The following HEPH variants were observed in gnomAD, a reference collection of about 807,000 sequenced individuals.
HEPH encodes the protein hephaestin.
In HEPH, 69 loss-of-function variants were observed where a neutral mutation model predicts 80.8. The observed-to-expected ratio is 0.85, with a 90% CI of 0.70 to 1.04. The LOEUF (loss-of-function observed/expected upper bound fraction) is 1.04. HEPH is among the 50% of genes least tolerant of loss of function. HEPH has a pLI of 0.00. For synonymous variants in HEPH, 431 were observed against 322.8 expected (o/e 1.34, Z -3.60); for missense variants, 1,115 against 891.3 (o/e 1.25, Z -3.20).
Position 66,263,618 on chromosome X carries a change from C to G in HEPH, c.3200-26C>G, listed in dbSNP as rs777430939. 7 of 1,207,151 alleles carry G rather than the reference C, an allele frequency of 5.8e-6. No homozygotes were observed. The Admixed American group carries it at 1.3e-4, about 23-fold the overall frequency. The stretch of plus-strand genomic sequence containing the variant: ...TGGTAGGAAGAACAATAAGGCTAAC[C>G]TCTTGTCTTTTTTCCCCCCAACCAG... On this transcript the variant is annotated intron_variant, in intron 19 of 20. Transcript: ENST00000343002.
rs986421490 is a variant in HEPH at position 66,202,862 on chromosome X, G to A, written c.2078-502G>A. On this transcript the variant is annotated intron_variant, in intron 12 of 20. Transcript: ENST00000343002. Reference sequence around the variant, plus strand: ...AAATAATCCTCATTTTACTGATGAGGGAACTGAAAAACACAGAGGTTTAGC... The same window carrying A: ...AAATAATCCTCATTTTACTGATGAGAGAACTGAAAAACACAGAGGTTTAGC... Among the ~76,000 whole-genome samples, 4 of 99,490 alleles carry A rather than the reference G, an allele frequency of 4.0e-5. 1 individual carries two copies. The highest frequency in any genetic ancestry group is 1.1e-4 in the Admixed American group (1 of 8,869). 86.4% of individuals were successfully genotyped at this position (99,490 alleles called of 115,157 possible).
intron 15 of HEPH, among the ~76,000 whole-genome samples, chrX:66,252,247 G>C (rs145843093): frequency 0.015 from 1,623 of 111,491 alleles, 32 homozygotes; most frequent in African/African-American, 0.05. Context: ...GAAGGTTTGG[G>C]GGAAAATCAA....
chrX:66,254,998 A>T, intron 15 of HEPH, 37 bp from the exon 16 acceptor site: 2 of 1,011,929 alleles, frequency 2.0e-6, no homozygotes, highest in Non-Finnish European at 2.8e-6. Context: ...GAAATTTCTG[A>T]CCCGGTGCAA....
chrX:66,235,275 TG>T (rs1176890237), intron 15 of HEPH, among the ~76,000 whole-genome samples: 2 of 111,873 alleles, frequency 1.8e-5, no homozygotes, highest in African/African-American at 6.5e-5. Context: ...ATTGCCTTTT[TG>T]TAGATCCAGG....
intron 20 of HEPH, among the ~76,000 whole-genome samples, chrX:66,264,794 T>G (rs2091479165): frequency 9.5e-6 from 1 of 105,467 alleles, no homozygotes; most frequent in South Asian, 4.0e-4. Flanking sequence ...ACTAAATTAT[T>G]TTATATATAT....
chrX:66,225,971 C>T (rs987638268), intron 15 of HEPH, among the ~76,000 whole-genome samples: 17 of 111,763 alleles, frequency 1.5e-4, no homozygotes, highest in African/African-American at 5.2e-4. Flanking sequence ...ATTCCTGTCC[C>T]TTTTAAGGGC....
intron 15 of HEPH, among the ~76,000 whole-genome samples, chrX:66,218,186 A>C (rs894714348): frequency 3.6e-5 from 4 of 111,940 alleles, no homozygotes; most frequent in African/African-American, 9.8e-5. Context: ...ATTGGACTTA[A>C]CAGATATTTA....
At chrX:66,246,165 C>A (rs2090797535) in intron 15 of HEPH, among the ~76,000 whole-genome samples, 2 of 111,854 alleles carry the variant, frequency 1.8e-5, no homozygotes, top group Admixed American at 1.9e-4. Context: ...AATTGATTGC[C>A]CTGTTGTCTG....
intron 4 of HEPH, among the ~76,000 whole-genome samples, chrX:66,174,436 G>A (rs1168400063): frequency 2.7e-5 from 3 of 112,084 alleles, no homozygotes; most frequent in Admixed American, 9.5e-5. Flanking sequence ...TTGGTTCCAT[G>A]ATTTTGCAAT....
chrX:66,211,676 C>T lies in HEPH; in HGVS notation c.2563+3430C>T, dbSNP rs185224178. ...TTGCTGCAGATTATATGATTTCATT[C>T]TTTTTTATGGCTGAATAGTATTCCA... On this transcript the variant is annotated intron_variant, in intron 15 of 20. Transcript: ENST00000343002. 2.1e-3 allele frequency among the ~76,000 whole-genome samples: 230 copies of T among 111,706 alleles called. 2 individuals are homozygous for T. Among genetic ancestry groups the T allele is most frequent in the African/African-American group, 6.9e-3 (213 of 30,869 alleles).
chrX:66,236,706 C>T (rs1169370460), intron 15 of HEPH, among the ~76,000 whole-genome samples: 2 of 111,074 alleles, frequency 1.8e-5, no homozygotes, highest in Admixed American at 1.9e-4. Context: ...TCTTTGTACA[C>T]CTTGTAGAAT....
At position 66,231,105 on chromosome X, in the gene HEPH, C is replaced by G. The variant is rs781336352; in HGVS notation, c.2563+22859C>G. Among the ~76,000 whole-genome samples, 8 of 109,620 alleles carry G rather than the reference C, an allele frequency of 7.3e-5. No homozygotes were observed. The East Asian group carries it at 2.3e-3, about 31-fold the overall frequency. ...TAGTTGTAGGTATGCGGCGTCATTT[C>G]TGAGGGCTCTGTTCTGTTCCATTGA... On this transcript the variant is annotated intron_variant, in intron 15 of 20. Transcript: ENST00000343002.
At chrX:66,173,465 C>A in intron 3 of HEPH, 124 bp from the exon 4 acceptor site, 1 of 472,391 alleles carries the variant, frequency 2.1e-6, no homozygotes, top group Non-Finnish European at 3.6e-6. Context: ...CTATGTAGGT[C>A]ATTAGCATGC....
intron 4 of HEPH, among the ~76,000 whole-genome samples, chrX:66,176,983 A>C (rs1230170720): frequency 9.0e-6 from 1 of 111,587 alleles, no homozygotes; most frequent in East Asian, 2.8e-4. Context: ...TAATTAAACT[A>C]AAGAGCTTCT....
intron 12 of HEPH, among the ~76,000 whole-genome samples, chrX:66,202,938 T>TACAC (rs1266079633): frequency 1.0e-5 from 1 of 96,818 alleles, no homozygotes; most frequent in Non-Finnish European, 2.0e-5. Context: ...TATATATATA[T>TACAC]ACACACACAC....
At chrX:66,197,192 G>GTA (rs934786202) in intron 9 of HEPH, among the ~76,000 whole-genome samples, 7 of 108,889 alleles carry the variant, frequency 6.4e-5, no homozygotes, top group African/African-American at 1.3e-4. Context: ...ATATATATAT[G>GTA]TATATATATA....
At chrX:66,196,635 A>C (rs1279856811) in intron 9 of HEPH, among the ~76,000 whole-genome samples, 1 of 111,890 alleles carries the variant, frequency 8.9e-6, no homozygotes, top group African/African-American at 3.2e-5. Context: ...AAAGATTTGC[A>C]GTCCTATCAG....
At chrX:66,196,486 A>G (rs181480724) in intron 9 of HEPH, among the ~76,000 whole-genome samples, 1 of 112,409 alleles carries the variant, frequency 8.9e-6, no homozygotes, top group East Asian at 2.8e-4. Context: ...TATAAGCTAT[A>G]CTAGAAATAT....
At chrX:66,233,997 T>C (rs1381927304) in intron 15 of HEPH, among the ~76,000 whole-genome samples, 1 of 111,539 alleles carries the variant, frequency 9.0e-6, no homozygotes, top group Non-Finnish European at 1.9e-5. Flanking sequence ...GTACAGACTA[T>C]TATCTCACTG....
Sources: allele counts gnomAD v4.1 joint callset (sites outside exome capture counted in the v4.1 genomes callset), GRCh38; gene constraint gnomAD v4.1.1; transcripts MANE v1.5; gene names NCBI Gene and HGNC (gene_info 2026-07-23, HGNC 2026-07-21).